The following TSNARE1 variants were observed in gnomAD, a reference collection of about 807,000 sequenced individuals.
The protein encoded by TSNARE1 is t-SNARE domain-containing protein 1.
Under a neutral mutation model 62.0 loss-of-function variants are expected in TSNARE1, and 49 were observed. The observed-to-expected ratio is 0.79, with a 90% confidence interval of 0.63 to 1.00. TSNARE1 has a LOEUF of 1.00. Ranked by LOEUF, TSNARE1 falls within the 50% of genes least tolerant of loss-of-function variation. The pLI is 0.00. For synonymous variants in TSNARE1, 328 were observed against 294.4 expected (o/e 1.11, Z -1.17); for missense variants, 755 against 700.1 (o/e 1.08, Z -0.88).
At chr8:142,397,228 G>GCACC in intron 1 of TSNARE1, among the ~76,000 whole-genome samples, 3 of 150,320 alleles carry the variant, frequency 2.0e-5, no homozygotes, top group East Asian at 4.0e-4. Flanking sequence ...GCCCCTCTGT[G>GCACC]TGGCAGTGGC....
chr8:142,377,301 A>G (rs1836412603), intron 1 of TSNARE1, among the ~76,000 whole-genome samples: 1 of 152,186 alleles, frequency 6.6e-6, no homozygotes. Flanking sequence ...CATCTACCAA[A>G]TACAAAAGCA....
intron 12 of TSNARE1, among the ~76,000 whole-genome samples, chr8:142,238,466 G>C (rs367927491): frequency 3.3e-5 from 5 of 152,012 alleles, no homozygotes; most frequent in East Asian, 1.9e-4. Context: ...AGACACATTC[G>C]ACAGACAGAT....
intron 2 of TSNARE1, among the ~76,000 whole-genome samples, chr8:142,351,146 C>T (rs553318311): frequency 2.9e-4 from 44 of 152,302 alleles, no homozygotes; most frequent in South Asian, 2.5e-3. Context: ...GCACATGTAC[C>T]GCCACACTGG....
chr8:142,400,138 C>T (rs1838180279), intron 1 of TSNARE1, among the ~76,000 whole-genome samples: 1 of 151,458 alleles, frequency 6.6e-6, no homozygotes, highest in Non-Finnish European at 1.5e-5. Context: ...GAGCTTGAGT[C>T]TAGCCTGGCC....
intron 12 of TSNARE1, chr8:142,273,834 G>A (rs913633677): frequency 1.0e-6 from 1 of 985,354 alleles, no homozygotes; most frequent in Non-Finnish European, 1.2e-6. Context: ...TGAGGCAACT[G>A]AGGACCCTCT....
At chr8:142,271,248 C>T in intron 12 of TSNARE1, 2 of 1,022,404 alleles carry the variant, frequency 2.0e-6, no homozygotes, top group South Asian at 9.2e-5. Context: ...GTAGGGCGTG[C>T]TTCCACCAGC....
In TSNARE1 at chr8:142,344,024, G is replaced by T. The variant is rs746748888; in HGVS notation, c.687C>A (p.Ala229=). ...GCAGGGCCTGGCAAGAGAAGGTCTTGGCCACCACCTGCTCCACGGGCGTGA... is the reference window on the plus strand; with the variant it reads ...GCAGGGCCTGGCAAGAGAAGGTCTTTGCCACCACCTGCTCCACGGGCGTGA... ...LALTPVEQVV[A]KTFSCQALPS... The change falls in exon 4 of 14, where the codon GCC becomes GCA. Residue 229 remains alanine, a synonymous_variant. Transcript: ENST00000524325. 30 of 1,569,432 alleles carry T rather than the reference G, an allele frequency of 1.9e-5. No individual in the cohort carries two copies. The highest frequency in any genetic ancestry group is 3.4e-4 in the Middle Eastern group (2 of 5,854).
chr8:142,343,935 C>G (rs1203282241), intron 4 of TSNARE1, 31 bp downstream of exon 4: 1 of 1,498,044 alleles, frequency 6.7e-7, no homozygotes, highest in Non-Finnish European at 8.9e-7. Context: ...AGAGTGGCAC[C>G]CTAGCAAGGT....
intron 12 of TSNARE1, chr8:142,270,126 C>A: frequency 3.0e-6 from 3 of 985,464 alleles, no homozygotes; most frequent in Non-Finnish European, 3.6e-6. Context: ...CTGGTCCCAC[C>A]TCCCGCTCCT....
chr8:142,330,973 G>A lies in TSNARE1; in HGVS notation c.824-3C>T. 3.7e-6 allele frequency: 6 copies of A among 1,613,862 alleles called. No individual in the cohort carries two copies. The highest frequency in any genetic ancestry group is 5.1e-6 in the Non-Finnish European group (6 of 1,179,872). On this transcript the variant is annotated splice_polypyrimidine_tract_variant and splice_region_variant and intron_variant, in intron 5 of 13. Transcript: ENST00000524325. Reference sequence around the variant, plus strand: ...AAGGCTCCGCTCCAAGGAGGTCACTGCCCGAGAGAAGAGGGACAGGGTGAG... The same window carrying A: ...AAGGCTCCGCTCCAAGGAGGTCACTACCCGAGAGAAGAGGGACAGGGTGAG...
At chr8:142,301,285 G>A (rs1486584900) in intron 9 of TSNARE1, among the ~76,000 whole-genome samples, 1 of 82,290 alleles carries the variant, frequency 1.2e-5, no homozygotes, top group Non-Finnish European at 2.3e-5. Flanking sequence ...AGCCCGCAGT[G>A]CCCCCACCTG....
At chr8:142,230,507 G>A (rs1051388055) in intron 12 of TSNARE1, among the ~76,000 whole-genome samples, 12 of 152,122 alleles carry the variant, frequency 7.9e-5, no homozygotes, top group African/African-American at 2.9e-4. Context: ...CAAGAGGATG[G>A]GTAGAAAAGA....
rs528368909 is a variant in TSNARE1, at chr8:142,281,157, G to A, written c.1363+3256C>T. On this transcript the variant is annotated intron_variant, in intron 11 of 13. Coordinates refer to ENST00000524325, the MANE Select transcript of TSNARE1 (RefSeq NM_145003.5). ...CCACAGCTCAGTCAGGGCATGGAGG[G>A]AGAATGAGTGGGTGGGGTGGAGCCT... Among the ~76,000 whole-genome samples, 38 of 152,226 alleles carry A rather than the reference G, an allele frequency of 2.5e-4. 1 individual carries two copies. In the South Asian group the frequency reaches 6.0e-3, roughly 24 times the overall value.
Position 142,363,591 on chromosome 8 carries a change from G to A in TSNARE1, c.-39-8828C>T, listed in dbSNP as rs139043572. On this transcript the variant is annotated intron_variant, in intron 1 of 13. Transcript: ENST00000524325. ...CACAAAAACACAACCTGAAGACGGCGTTCCCAGGGAATCCTGAGCTGCCCA... is the reference window on the plus strand; with the variant it reads ...CACAAAAACACAACCTGAAGACGGCATTCCCAGGGAATCCTGAGCTGCCCA... Among the ~76,000 whole-genome samples, 493 of 152,208 alleles carry A rather than the reference G, an allele frequency of 3.2e-3. 2 individuals carry two copies. The highest frequency in any genetic ancestry group is 0.01 in the African/African-American group (434 of 41,524).
chr8:142,248,584 G>A (rs917336623), intron 12 of TSNARE1, among the ~76,000 whole-genome samples: 1 of 152,350 alleles, frequency 6.6e-6, no homozygotes, highest in Middle Eastern at 3.4e-3. Flanking sequence ...GGGCAGAGTA[G>A]GTTCCTGGCA....
At position 142,390,913 on chromosome 8, in the gene TSNARE1, T is replaced by G. The variant is rs1339523459; in HGVS notation, c.-40+12191A>C. The stretch of plus-strand genomic sequence containing the variant: ...CTCTGTAACAGACGCTGTACACTGC[T>G]GGGGACTCTGTAACAGACGCTGTAC... On this transcript the variant is annotated intron_variant, in intron 1 of 13. Transcript: ENST00000524325. Among the ~76,000 whole-genome samples, 337 of 76,162 alleles carry G rather than the reference T, an allele frequency of 4.4e-3. 2 individuals are homozygous for G. Among genetic ancestry groups the G allele is most frequent in the Non-Finnish European group, 5.3e-3 (202 of 38,122 alleles). 50.0% of individuals were successfully genotyped at this position (76,162 alleles called of 152,430 possible).
chr8:142,367,416 G>C (rs1293821498), intron 1 of TSNARE1, among the ~76,000 whole-genome samples: 1 of 151,840 alleles, frequency 6.6e-6, no homozygotes, highest in East Asian at 1.9e-4. Flanking sequence ...TGCTAGGAGA[G>C]AGGAGCCAGA....
At chr8:142,223,039 C>CTCACTCACTCAT (rs1177497406) in intron 13 of TSNARE1, among the ~76,000 whole-genome samples, 7 of 92,496 alleles carry the variant, frequency 7.6e-5, no homozygotes, top group East Asian at 6.5e-4. Context: ...CACTCATTCA[C>CTCACTCACTCAT]TCACTCACTC....
In TSNARE1 at chr8:142,245,199, C is replaced by T. The variant is rs1455260670; in HGVS notation, c.1447-15620G>A. On this transcript the variant is annotated intron_variant, in intron 12 of 13. Coordinates refer to ENST00000524325, the MANE Select transcript of TSNARE1 (RefSeq NM_145003.5). Reference sequence around the variant, plus strand: ...TATCGAATACAAGATAGCCAGTGAGCGGATTGAGAGGAGCTCGTCTACTGC... The same window carrying T: ...TATCGAATACAAGATAGCCAGTGAGTGGATTGAGAGGAGCTCGTCTACTGC... 3.3e-5 allele frequency among the ~76,000 whole-genome samples: 5 copies of T among 152,252 alleles called. No individual in the cohort carries two copies. The South Asian group carries it at 6.2e-4, about 19-fold the overall frequency.
Sources: allele counts gnomAD v4.1 joint callset (sites outside exome capture counted in the v4.1 genomes callset), GRCh38; gene constraint gnomAD v4.1.1; transcripts MANE v1.5; gene names NCBI Gene and HGNC (gene_info 2026-07-23, HGNC 2026-07-21).